PKD1L3: variants seen among roughly 807,000 people sequenced by gnomAD.
PKD1L3 encodes the protein polycystin-1-like protein 3.
Under a neutral mutation model 184.1 loss-of-function variants are expected in PKD1L3, and 239 were observed. That is an observed-to-expected ratio of 1.30 (90% CI 1.17 to 1.45). The LOEUF (loss-of-function observed/expected upper bound fraction) is 1.45. Among genes scored for constraint, PKD1L3 ranks in the 40% most tolerant of loss-of-function variants. The probability of loss-of-function intolerance (pLI) is 0.00; values close to 1 mark genes in which losing one functional copy is unlikely to be tolerated. For synonymous variants in PKD1L3, 996 were observed against 778.8 expected (o/e 1.28, Z -4.64); for missense variants, 2,660 against 2,067.2 (o/e 1.29, Z -5.56).
intron 4 of PKD1L3, 59 bp downstream of exon 4, chr16:71,990,221 A>T: frequency 7.3e-7 from 1 of 1,374,708 alleles, no homozygotes; most frequent in Non-Finnish European, 1.0e-6. Context: ...AACCAGATCT[A>T]CTAGGTATGA....
At chr16:71,958,277 C>T (rs2039125300) in intron 16 of PKD1L3, among the ~76,000 whole-genome samples, 1 of 149,578 alleles carries the variant, frequency 6.7e-6, no homozygotes, top group Admixed American at 6.7e-5. Flanking sequence ...GTCCCAGCTA[C>T]TTGGGAGGCT....
At chr16:71,945,716 G>A (rs985219153) in intron 22 of PKD1L3, among the ~76,000 whole-genome samples, 2 of 151,878 alleles carry the variant, frequency 1.3e-5, no homozygotes, top group Admixed American at 6.6e-5. Context: ...CTAGAGGAGG[G>A]CATGAAACTT....
chr16:71,982,788 C>G (rs1278411146), intron 6 of PKD1L3, among the ~76,000 whole-genome samples: 1 of 151,170 alleles, frequency 6.6e-6, no homozygotes, highest in African/African-American at 2.4e-5. Context: ...GAGGCAGGGG[C>G]TCACTGTATT....
At chr16:71,998,777 T>C (rs978337591) in intron 1 of PKD1L3, among the ~76,000 whole-genome samples, 10 of 152,086 alleles carry the variant, frequency 6.6e-5, no homozygotes, top group Non-Finnish European at 1.3e-4. Context: ...AAAGTAAATA[T>C]GAAAGCCAAA....
intron 12 of PKD1L3, among the ~76,000 whole-genome samples, chr16:71,971,257 T>C (rs191237090): frequency 6.6e-6 from 1 of 152,266 alleles, no homozygotes. Flanking sequence ...TTGATAAAGC[T>C]GAATGTGCAT....
chr16:71,964,645 A>G (rs911224089), intron 15 of PKD1L3, among the ~76,000 whole-genome samples: 6 of 151,184 alleles, frequency 4.0e-5, no homozygotes, highest in African/African-American at 1.5e-4. Context: ...GGCCAATTCA[A>G]TGTATTTTGA....
chr16:71,986,914 ATTTTTTTTTTTTTTTT>A (rs71153694), intron 4 of PKD1L3, among the ~76,000 whole-genome samples: 1 of 81,366 alleles, frequency 1.2e-5, no homozygotes, highest in Non-Finnish European at 2.2e-5. Flanking sequence ...TAAGGAGAGG[ATTTTTTTTTTTTTTTT>A]TTTTTTTTTT....
chr16:71,985,621 G>C (rs2040328887), intron 5 of PKD1L3, among the ~76,000 whole-genome samples: 1 of 152,004 alleles, frequency 6.6e-6, no homozygotes, highest in Admixed American at 6.6e-5. Context: ...GTTTAATAGA[G>C]AAAAGGTCTC....
In PKD1L3 at chr16:71,967,183, G is replaced by C. The variant is rs2039530587; in HGVS notation, c.2419C>G (p.His807Asp). 1 of 1,551,742 alleles carries C rather than the reference G, an allele frequency of 6.4e-7. No homozygotes were observed. The highest frequency in any genetic ancestry group is 2.4e-5 in the East Asian group (1 of 40,916). Residue 807 changes from histidine (H) to aspartate (D), a missense_variant, in exon 15 of 30, where the codon CAC becomes GAC. Physicochemically the swap from His to Asp is moderately conservative, Grantham distance 81 (BLOSUM62 -1). Transcript: ENST00000620267. ...TTGTCATGCCAGAGCCGAAGGCTGT[G>C]CAGGTTCCCTAGAGAGGTCCAAGTG... ...LTTWTSLGNLHSLRLWHDNSG... is the reference protein window; with the variant it reads ...LTTWTSLGNLDSLRLWHDNSG...
chr16:71,956,574 C>T (rs914630022), intron 16 of PKD1L3, among the ~76,000 whole-genome samples: 5 of 151,966 alleles, frequency 3.3e-5, no homozygotes, highest in Non-Finnish European at 7.4e-5. Context: ...AGCCAGTCAC[C>T]GACAGACAAA....
intron 24 of PKD1L3, among the ~76,000 whole-genome samples, chr16:71,938,139 G>A (rs2038242060): frequency 1.3e-5 from 2 of 152,310 alleles, no homozygotes; most frequent in Admixed American, 6.5e-5. Flanking sequence ...CGGGGGCTCA[G>A]GAAACCCCCC....
chr16:71,945,456 A>C, intron 22 of PKD1L3, among the ~76,000 whole-genome samples: 1 of 149,790 alleles, frequency 6.7e-6, no homozygotes, highest in African/African-American at 2.4e-5. Context: ...AGGAGGACTG[A>C]TCACCTGAGC....
intron 15 of PKD1L3, 123 bp from the exon 16 acceptor site, chr16:71,963,474 G>C (rs1276036373): frequency 3.7e-6 from 4 of 1,080,238 alleles, no homozygotes; most frequent in Non-Finnish European, 3.8e-6. Flanking sequence ...TGCAAGGCAA[G>C]AACTAAGGAA....
intron 15 of PKD1L3, among the ~76,000 whole-genome samples, chr16:71,966,087 G>C (rs1407097984): frequency 6.6e-6 from 1 of 151,928 alleles, no homozygotes; most frequent in Non-Finnish European, 1.5e-5. Context: ...TGTCTAGCTA[G>C]GGGGAAAAAT....
chr16:71,937,315 C>T lies in PKD1L3; in HGVS notation c.4429G>A (p.Val1477Ile), dbSNP rs1375570898. The change falls in exon 25 of 30, where the codon GTC (valine) becomes ATC (isoleucine). Residue 1477 changes from valine (V) to isoleucine (I), a missense_variant. By Grantham distance (29) the Val-to-Ile change is conservative. Coordinates refer to ENST00000620267, the MANE Select transcript of PKD1L3 (RefSeq NM_181536.2). ...ACCTGTATGAAGGCATAGTAACAGACCAGTAGATAATAGATGACTTGTGAG... is the reference window on the plus strand; with the variant it reads ...ACCTGTATGAAGGCATAGTAACAGATCAGTAGATAATAGATGACTTGTGAG... ...IISQVIYYLL[V>I]CYYAFIQGCQ... 1 of 1,551,520 alleles carries T rather than the reference C, an allele frequency of 6.4e-7. No individual in the cohort carries two copies.
chr16:71,953,747 G>C (rs759436525), intron 17 of PKD1L3, among the ~76,000 whole-genome samples: 1 of 152,090 alleles, frequency 6.6e-6, no homozygotes, highest in Non-Finnish European at 1.5e-5. Flanking sequence ...AAAAGCATGG[G>C]AGAAACTGCC....
intron 16 of PKD1L3, among the ~76,000 whole-genome samples, chr16:71,959,998 G>C (rs539303322): frequency 1.3e-5 from 2 of 152,100 alleles, no homozygotes; most frequent in East Asian, 3.9e-4. Context: ...GCACACACCT[G>C]TAGTCCCAGC....
chr16:71,953,064 G>C lies in PKD1L3; in HGVS notation c.2839C>G (p.Leu947Val), dbSNP rs2038909644. The C allele has an allele frequency of 6.6e-7, 1 of 1,515,308 alleles. No individual in the cohort carries two copies. Among genetic ancestry groups the C allele is most frequent in the African/African-American group, 1.4e-5 (1 of 71,040 alleles). The allele number at this position is 1,515,308 out of a possible 1,614,324, so 93.9% of individuals were successfully genotyped here. A position where few individuals can be genotyped will look rare whatever the true frequency, so the allele number is the denominator to read the frequency against. The change falls in exon 18 of 30, where the codon CTG (leucine) becomes GTG (valine). Residue 947 changes from leucine (L) to valine (V), a missense_variant. Coordinates refer to ENST00000620267, the MANE Select transcript of PKD1L3 (RefSeq NM_181536.2). ...MRPFAVAWSELLVSIHTAVIL... is the reference protein window; with the variant it reads ...MRPFAVAWSEVLVSIHTAVIL... ...ACAGCAGTATGGATGCTGACCAGCA[G>C]TTCAGACCAGGCCACAGCAAATGGA... is the stretch of plus-strand genomic sequence containing the variant.
intron 25 of PKD1L3, 34 bp downstream of exon 25, chr16:71,937,258 T>C: frequency 6.5e-7 from 1 of 1,542,066 alleles, no homozygotes; most frequent in Non-Finnish European, 8.8e-7. Context: ...TTTTGCCATG[T>C]TGCCCAGGCT....
Sources: allele counts gnomAD v4.1 joint callset (sites outside exome capture counted in the v4.1 genomes callset), GRCh38; gene constraint gnomAD v4.1.1; transcripts MANE v1.5; gene names NCBI Gene and HGNC (gene_info 2026-07-23, HGNC 2026-07-21).